The following WWOX variants were observed in gnomAD, a reference collection of about 807,000 sequenced individuals.
WWOX encodes the protein WW domain-containing oxidoreductase.
Under a neutral mutation model 46.2 loss-of-function variants are expected in WWOX, and 69 were observed. The ratio of observed to expected loss-of-function variants is 1.49; its 90% CI spans 1.23 to 1.82. The LOEUF is 1.82. Among genes scored for constraint, WWOX ranks in the 40% most tolerant of loss-of-function variants. The pLI is 0.00. For missense variants in WWOX, 919 were observed against 542.6 expected, an observed-to-expected ratio of 1.69 and a Z score of -6.89; for synonymous variants, 359 against 202.6, an observed-to-expected ratio of 1.77 and a Z score of -6.56.
chr16:78,985,520 G>T (rs1468108645), intron 8 of WWOX, among the ~76,000 whole-genome samples: 1 of 152,182 alleles, frequency 6.6e-6, no homozygotes, highest in African/African-American at 2.4e-5. Flanking sequence ...TGTAATCCCA[G>T]AACGTTGGGA....
chr16:78,680,057 G>A (rs934438589), intron 8 of WWOX, among the ~76,000 whole-genome samples: 1 of 152,218 alleles, frequency 6.6e-6, no homozygotes, highest in African/African-American at 2.4e-5. Context: ...TTTCTCATCT[G>A]TAAAGTAGGG....
chr16:78,127,124 T>A (rs1265350924), intron 4 of WWOX, among the ~76,000 whole-genome samples: 1 of 152,190 alleles, frequency 6.6e-6, no homozygotes, highest in Non-Finnish European at 1.5e-5. Flanking sequence ...TTCCTATCTG[T>A]ATGACCCGAG....
At chr16:78,714,640 C>T (rs1359536481) in intron 8 of WWOX, among the ~76,000 whole-genome samples, 1 of 152,088 alleles carries the variant, frequency 6.6e-6, no homozygotes, top group Non-Finnish European at 1.5e-5. Flanking sequence ...CAGAGTGTCC[C>T]AGGCGGAGGA....
intron 8 of WWOX, among the ~76,000 whole-genome samples, chr16:78,487,899 G>A (rs2084679535): frequency 6.6e-6 from 1 of 152,092 alleles, no homozygotes; most frequent in Non-Finnish European, 1.5e-5. Context: ...CCAAATTAAT[G>A]TCCGCCTAGG....
intron 8 of WWOX, among the ~76,000 whole-genome samples, chr16:78,799,533 A>C (rs1341039758): frequency 1.3e-5 from 2 of 152,170 alleles, no homozygotes; most frequent in Admixed American, 6.5e-5. Context: ...TTAGACCCCA[A>C]AAGTCCACTC....
intron 8 of WWOX, among the ~76,000 whole-genome samples, chr16:78,653,931 G>T (rs920502385): frequency 2.6e-5 from 4 of 152,172 alleles, no homozygotes; most frequent in African/African-American, 7.2e-5. Flanking sequence ...CTGAGCAAAC[G>T]TCTTCACATT....
intron 8 of WWOX, among the ~76,000 whole-genome samples, chr16:78,709,558 A>C (rs1388917648): frequency 1.3e-5 from 2 of 151,936 alleles, no homozygotes; most frequent in Non-Finnish European, 2.9e-5. Context: ...CTTCCTGAAC[A>C]CTTGCCTGTC....
At chr16:78,355,769 A>G (rs954829616) in intron 5 of WWOX, 1 of 701,454 alleles carries the variant, frequency 1.4e-6, no homozygotes, top group Non-Finnish European at 2.5e-6. Context: ...AAAACAGAAT[A>G]TTCCAGTGTT....
At position 78,360,838 on chromosome 16, in the gene WWOX, T is replaced by G. The variant is rs1381680723; in HGVS notation, c.517-26022T>G. On this transcript the variant is annotated intron_variant, in intron 5 of 8. Transcript: ENST00000566780. ...TGGTGCCTTTAGTGCTTTTTTTTTT[T>G]GAGACACGGTCTCACTCTGTCACCC... Among the ~76,000 whole-genome samples, 9 of 139,240 alleles carry G rather than the reference T, an allele frequency of 6.5e-5. No homozygotes were observed. The East Asian group carries it at 1.6e-3, about 25-fold the overall frequency. 91.3% of individuals were successfully genotyped at this position (139,240 alleles called of 152,430 possible). A position where few individuals can be genotyped will look rare whatever the true frequency, so the allele number is the denominator to read the frequency against.
At chr16:79,079,221 G>C (rs2048715805) in intron 8 of WWOX, among the ~76,000 whole-genome samples, 1 of 152,150 alleles carries the variant, frequency 6.6e-6, no homozygotes, top group African/African-American at 2.4e-5. Context: ...CGCGGTCTTA[G>C]CAACAGTAGA....
At chr16:78,823,779 T>G (rs1178457393) in intron 8 of WWOX, among the ~76,000 whole-genome samples, 5 of 99,468 alleles carry the variant, frequency 5.0e-5, no homozygotes, top group Non-Finnish European at 1.1e-4. Context: ...TCTAGACTTG[T>G]TATTTTTTTT....
At chr16:79,042,330 AC>A (rs1555517116) in intron 8 of WWOX, among the ~76,000 whole-genome samples, 3 of 152,144 alleles carry the variant, frequency 2.0e-5, no homozygotes, top group Non-Finnish European at 4.4e-5. Context: ...TTGGCTTGGA[AC>A]ATGGAAGTTC....
chr16:78,639,752 G>T (rs570957217), intron 8 of WWOX, among the ~76,000 whole-genome samples: 1 of 152,086 alleles, frequency 6.6e-6, no homozygotes, highest in African/African-American at 2.4e-5. Context: ...TTTTAGTAGA[G>T]ACAGGGTTTC....
rs1165026522 is a variant in WWOX, at chr16:78,099,747, G to T, written c.-32G>T. 2.6e-6 allele frequency: 4 copies of T among 1,521,588 alleles called. No homozygotes were observed. Among genetic ancestry groups the T allele is most frequent in the Non-Finnish European group, 3.5e-6 (4 of 1,135,096 alleles). The allele number at this position is 1,521,588 out of a possible 1,614,324, so 94.3% of individuals were successfully genotyped here. A position where few individuals can be genotyped will look rare whatever the true frequency, so the allele number is the denominator to read the frequency against. Reference sequence around the variant, plus strand: ...TGAGCGAGTGGACCCGGCAGCGGGCGATAGGGGGGCCAGGTGCCTCCACAG... The same window carrying T: ...TGAGCGAGTGGACCCGGCAGCGGGCTATAGGGGGGCCAGGTGCCTCCACAG... On this transcript the variant is annotated 5_prime_UTR_variant, in exon 1 of 9. Coordinates refer to ENST00000566780, the MANE Select transcript of WWOX (RefSeq NM_016373.4).
chr16:78,932,077 T>G (rs1197562676), intron 8 of WWOX, among the ~76,000 whole-genome samples: 1 of 152,232 alleles, frequency 6.6e-6, no homozygotes, highest in Non-Finnish European at 1.5e-5. Flanking sequence ...CCGTTAAACC[T>G]CTTTCCTTTA....
intron 8 of WWOX, among the ~76,000 whole-genome samples, chr16:78,600,280 C>G (rs555292751): frequency 3.3e-5 from 5 of 152,016 alleles, no homozygotes; most frequent in African/African-American, 9.6e-5. Context: ...CACAGCCAAA[C>G]CATATCACAG....
At position 78,687,419 on chromosome 16, in the gene WWOX, A is replaced by G. The variant is rs141498376; in HGVS notation, c.1056+254667A>G. Among the ~76,000 whole-genome samples, 8 of 152,316 alleles carry G rather than the reference A, an allele frequency of 5.3e-5. No homozygotes were observed. In the East Asian group the frequency reaches 5.8e-4, roughly 11 times the overall value. On this transcript the variant is annotated intron_variant, in intron 8 of 8. Coordinates refer to ENST00000566780, the MANE Select transcript of WWOX (RefSeq NM_016373.4). ...CTGAGATTGTTGAAGGATTTGTTCT[A>G]TTGCATGCTGATAAATATTTATCAC...
At chr16:78,762,784 C>G (rs2049825848) in intron 8 of WWOX, among the ~76,000 whole-genome samples, 1 of 152,216 alleles carries the variant, frequency 6.6e-6, no homozygotes, top group African/African-American at 2.4e-5. Flanking sequence ...GTTACTTAAC[C>G]TCTCTGGCCT....
intron 7 of WWOX, among the ~76,000 whole-genome samples, chr16:78,428,854 A>G (rs2083149508): frequency 6.6e-6 from 1 of 152,216 alleles, no homozygotes; most frequent in Non-Finnish European, 1.5e-5. Flanking sequence ...AAGAATAAGC[A>G]GAAACCAAAA....
Sources: allele counts gnomAD v4.1 joint callset (sites outside exome capture counted in the v4.1 genomes callset), GRCh38; gene constraint gnomAD v4.1.1; transcripts MANE v1.5; gene names NCBI Gene and HGNC (gene_info 2026-07-23, HGNC 2026-07-21).